TCEAL4: variants seen among roughly 807,000 people sequenced by gnomAD.
The protein encoded by TCEAL4 is transcription elongation factor A protein-like 4.
A neutral mutation model predicts 1.3 loss-of-function variants in TCEAL4; 1 was observed. That is an observed-to-expected ratio of 0.79 (90% confidence interval 0.28 to 3.76). The LOEUF is 3.76. Ranked by LOEUF, TCEAL4 falls within the 30% of genes most tolerant of loss-of-function variation. The pLI, the probability that TCEAL4 is intolerant of heterozygous loss-of-function variation, is 0.18. For synonymous variants in TCEAL4, 54 were observed against 50.7 expected (o/e 1.06, Z -0.28); for missense variants, 129 against 154.7 (o/e 0.83, Z 0.88).
intron 1 of TCEAL4, 69 bp downstream of exon 1, chrX:103,585,693 G>C: frequency 8.6e-7 from 1 of 1,165,569 alleles, no homozygotes; most frequent in East Asian, 3.3e-5. Context: ...GGTACGGCAG[G>C]GGGAAAGGCT....
rs549909784 is a variant in TCEAL4, at chrX:103,587,343, C to G, written c.*20C>G. On this transcript the variant is annotated 3_prime_UTR_variant, in exon 3 of 3. Transcript: ENST00000472484. ...GTGTAGTGTCCCTGGCAGGCATTTA[C>G]CAGGCCATGTGCTTTAACGTTACGG... 1.7e-6 allele frequency: 2 copies of G among 1,155,864 alleles called. No individual in the cohort carries two copies. The highest frequency in any genetic ancestry group is 2.3e-6 in the Non-Finnish European group (2 of 871,936).
At chrX:103,584,997 G>T (rs1024950978), upstream of TCEAL4, among the ~76,000 whole-genome samples, 1 of 113,008 alleles carries the variant, frequency 8.8e-6, no homozygotes, top group Non-Finnish European at 1.9e-5. Context: ...TGCAGCAAAG[G>T]TTGTGGGTCA....
upstream of TCEAL4, among the ~76,000 whole-genome samples, chrX:103,581,002 A>G (rs114186074): frequency 0.021 from 2,361 of 111,983 alleles, 64 homozygotes; most frequent in African/African-American, 0.073. Context: ...AGACTAATGA[A>G]TAAAAGAAAA....
At chrX:103,586,490 T>TACG in intron 2 of TCEAL4, 159 bp from the exon 3 acceptor site, 2 of 827,493 alleles carry the variant, frequency 2.4e-6, no homozygotes, top group Non-Finnish European at 1.7e-6. Flanking sequence ...AGTGGCGGGC[T>TACG]ACGTGGTGGG....
chrX:103,577,779 T>C (rs1428875512), intron 2 of TCEAL4, among the ~76,000 whole-genome samples: 1 of 112,099 alleles, frequency 8.9e-6, no homozygotes, highest in Non-Finnish European at 1.9e-5. Context: ...TCTGCATATA[T>C]AATACTTTGA....
chrX:103,576,513 CAG>C lies in TCEAL4; in HGVS notation c.45_46del (p.Ala16ValfsTer41). On this transcript the variant is annotated frameshift_variant, in exon 1 of 5. Coordinates refer to the TCEAL4 transcript ENST00000372629. LOFTEE classifies it high-confidence loss of function. ...GCGCCGCAGCTCACGCCTGTAATCCCAGCGTTTTGGGAGGCCAGGGTGAGTAG... is the reference window on the plus strand; with the variant it reads ...GCGCCGCAGCTCACGCCTGTAATCCCCGTTTTGGGAGGCCAGGGTGAGTAG... 3 of 1,148,621 alleles carry C rather than the reference CAG, an allele frequency of 2.6e-6. No homozygotes were observed. The highest frequency in any genetic ancestry group is 3.5e-6 in the Non-Finnish European group (3 of 857,062). 94.7% of individuals were successfully genotyped at this position (1,148,621 alleles called of 1,213,427 possible).
chrX:103,586,898 A>AAGTCAGAGAGGGAGGGAG lies in TCEAL4; in HGVS notation c.233_250dup (p.Arg78_Glu83dup), dbSNP rs2073557462. On this transcript the variant is annotated inframe_insertion, in exon 3 of 3. Coordinates refer to ENST00000472484, the MANE Select transcript of TCEAL4 (RefSeq NM_001006935.3). ...GAGTGAGGGAGAGGCAAAAGAAGGA[A>AAGTCAGAGAGGGAGGGAG]AGTCAGAGAGGGAGGGAGAGTCAGA... The AAGTCAGAGAGGGAGGGAG allele has an allele frequency of 1.7e-6, 2 of 1,198,097 alleles. No individual in the cohort carries two copies. Among genetic ancestry groups the AAGTCAGAGAGGGAGGGAG allele is most frequent in the Non-Finnish European group, 2.3e-6 (2 of 888,616 alleles).
intron 2 of TCEAL4, among the ~76,000 whole-genome samples, chrX:103,578,890 A>C (rs1184546695): frequency 8.9e-6 from 1 of 111,910 alleles, no homozygotes; most frequent in Non-Finnish European, 1.9e-5. Flanking sequence ...TTTTGTTGTC[A>C]TATCTAAAAA....
intron 2 of TCEAL4, 116 bp from the exon 3 acceptor site, chrX:103,586,532 AG>A: frequency 1.0e-6 from 1 of 978,819 alleles, no homozygotes. Flanking sequence ...TGGCCAGCTT[AG>A]GGGAACCCTC....
chrX:103,577,303 TGGAGA>T, intron 2 of TCEAL4: 1 of 1,020,037 alleles, frequency 9.8e-7, no homozygotes, highest in Non-Finnish European at 1.3e-6. Context: ...TGCTAATCAA[TGGAGA>T]ATTGATTAAA....
intron 1 of TCEAL4, 67 bp downstream of exon 1, chrX:103,585,691 AG>A (rs1308541380): frequency 4.5e-5 from 35 of 781,028 alleles, no homozygotes; most frequent in Non-Finnish European, 5.4e-5. Flanking sequence ...CGGGTACGGC[AG>A]GGGGAAAGGC....
chrX:103,584,386 G>A (rs186296281), upstream of TCEAL4, among the ~76,000 whole-genome samples: 617 of 111,725 alleles, frequency 5.5e-3, 5 homozygotes, highest in Non-Finnish European at 9.7e-3. Context: ...TCTCTTTGTT[G>A]TACAGTCACA....
At chrX:103,579,423 T>C (rs183834047) in intron 2 of TCEAL4, among the ~76,000 whole-genome samples, 17 of 112,556 alleles carry the variant, frequency 1.5e-4, no homozygotes, top group Admixed American at 1.5e-3. Context: ...TGGTTTTCCA[T>C]TTATTTAGGT....
rs769063260 is a variant in TCEAL4, at chrX:103,587,065, T to C, written c.390T>C (p.Thr130=). 1.7e-6 allele frequency: 2 copies of C among 1,210,994 alleles called. No homozygotes were observed. Among genetic ancestry groups the C allele is most frequent in the South Asian group, 1.8e-5 (1 of 56,962 alleles). The change falls in exon 3 of 3, where the codon ACT becomes ACC. Residue 130 remains threonine (T), a synonymous_variant. Transcript: ENST00000472484. ...DDVPRKAKRK[T]NKGLAHYLKE... is the part of the protein sequence containing the mutation. ...TACCCAGGAAAGCCAAAAGAAAAAC[T>C]AATAAGGGGCTGGCTCATTACCTCA...
upstream of TCEAL4, among the ~76,000 whole-genome samples, chrX:103,581,357 T>C (rs1057141611): frequency 1.8e-5 from 2 of 110,630 alleles, no homozygotes; most frequent in African/African-American, 6.6e-5. Context: ...TCCGAAAAAA[T>C]TGAAAAGGAA....
chrX:103,576,483 G>A (rs1432613211), exon 1 of TCEAL4: 11 of 1,163,208 alleles, frequency 9.5e-6, no homozygotes, highest in Non-Finnish European at 8.0e-6. Flanking sequence ...CCAGCTGGAG[G>A]CCAGGCGCCG....
upstream of TCEAL4, among the ~76,000 whole-genome samples, chrX:103,583,836 C>T (rs1013876382): frequency 4.2e-4 from 47 of 112,373 alleles, no homozygotes; most frequent in African/African-American, 1.5e-3. Context: ...ACATCCTGCA[C>T]ATGTGCCCCT....
At position 103,586,284 on chromosome X, in the gene TCEAL4, C is replaced by A; in HGVS notation, c.-35C>A. The A allele has an allele frequency of 3.4e-6, 4 of 1,166,546 alleles. No individual in the cohort carries two copies. Among genetic ancestry groups the A allele is most frequent in the Non-Finnish European group, 4.6e-6 (4 of 873,011 alleles). ...AAAGGAGGAGCAACCTGTCCAGAATCCCCGCAGGTCCGTGAAAGTACGGGG... is the reference window on the plus strand; with the variant it reads ...AAAGGAGGAGCAACCTGTCCAGAATACCCGCAGGTCCGTGAAAGTACGGGG... On this transcript the variant is annotated 5_prime_UTR_variant, in exon 2 of 3. Coordinates refer to ENST00000472484, the MANE Select transcript of TCEAL4 (RefSeq NM_001006935.3).
rs761844388 is a variant in TCEAL4, at chrX:103,577,191, C to T, written c.161C>T (p.Ser54Leu). 95 of 1,165,194 alleles carry T rather than the reference C, an allele frequency of 8.2e-5. 1 individual carries two copies. Among genetic ancestry groups the T allele is most frequent in the South Asian group, 1.5e-4 (8 of 52,482 alleles). ...TATGTGGAGCGGGACATAACAACTT[C>T]GGAAATTAAATCTCTTCCCCAGGTA... Residue 54 changes from serine (S) to leucine (L), a missense_variant, in exon 2 of 5, where the codon TCG (serine) becomes TTG (leucine). Ser to Leu is a moderately radical substitution (Grantham distance 145). Transcript: ENST00000372629.
Sources: allele counts gnomAD v4.1 joint callset (sites outside exome capture counted in the v4.1 genomes callset), GRCh38; gene constraint gnomAD v4.1.1; transcripts MANE v1.5; gene names NCBI Gene and HGNC (gene_info 2026-07-23, HGNC 2026-07-21).